Variants in FRYL observed in about 807,000 individuals in gnomAD.
FRYL encodes the protein FRY like transcription coactivator.
In FRYL, 150 loss-of-function variants were observed where a neutral mutation model predicts 351.2. The ratio of observed to expected loss-of-function variants is 0.43; its 90% CI spans 0.37 to 0.49. FRYL has a LOEUF of 0.49. Ranked by LOEUF, FRYL falls within the 20% of genes least tolerant of loss-of-function variation. The probability of loss-of-function intolerance (pLI) is 0.00; values close to 1 mark genes in which losing one functional copy is unlikely to be tolerated. For synonymous variants in FRYL, 1,153 were observed against 1,257.1 expected, an observed-to-expected ratio of 0.92 and a Z score of 1.75; for missense variants, 3,036 against 3,619.3, an observed-to-expected ratio of 0.84 and a Z score of 4.13.
intron 10 of FRYL, 70 bp downstream of exon 10, chr4:48,606,368 T>C: frequency 9.9e-7 from 1 of 1,007,460 alleles, no homozygotes; most frequent in East Asian, 2.5e-5. Flanking sequence ...ATTTTGTTTC[T>C]TTTAAAAAGT....
intron 3 of FRYL, among the ~76,000 whole-genome samples, chr4:48,684,350 T>C (rs530558068): frequency 6.6e-6 from 1 of 152,308 alleles, no homozygotes; most frequent in African/African-American, 2.4e-5. Context: ...CTTCATCTGC[T>C]TCCTAAGCCC....
In FRYL at chr4:48,498,441, T is replaced by G. The variant is rs1243990406; in HGVS notation, c.*981A>C. On this transcript the variant is annotated 3_prime_UTR_variant, in exon 64 of 64. Coordinates refer to ENST00000358350, the MANE Select transcript of FRYL (RefSeq NM_015030.2). ...ATAACTGGTTTTAGTCTCTACAGTTTCTATATGGAGTAAAATAAGTTAAAA... is the reference window on the plus strand; with the variant it reads ...ATAACTGGTTTTAGTCTCTACAGTTGCTATATGGAGTAAAATAAGTTAAAA... The G allele has an allele frequency of 6.6e-6, 1 of 152,574 alleles. No homozygotes were observed. The highest frequency in any genetic ancestry group is 1.5e-5 in the Non-Finnish European group (1 of 68,038). The allele number at this position is 152,574 out of a possible 1,614,324, so 9.5% of individuals were successfully genotyped here.
At chr4:48,654,721 A>G (rs1241324399) in intron 3 of FRYL, among the ~76,000 whole-genome samples, 1 of 152,230 alleles carries the variant, frequency 6.6e-6, no homozygotes, top group Non-Finnish European at 1.5e-5. Context: ...GAATAGCGAG[A>G]AATCCTCTGG....
chr4:48,778,231 T>G (rs969015883), intron 1 of FRYL, among the ~76,000 whole-genome samples: 2 of 152,186 alleles, frequency 1.3e-5, no homozygotes, highest in African/African-American at 4.8e-5. Flanking sequence ...AGTTTCTCTA[T>G]TGTTACTGCT....
At chr4:48,514,940 AAGT>A in intron 56 of FRYL, 85 bp downstream of exon 56, 5 of 1,111,342 alleles carry the variant, frequency 4.5e-6, no homozygotes, top group Non-Finnish European at 5.2e-6. Context: ...AAATGAAAGT[AAGT>A]AAACTGAAAC....
At chr4:48,747,928 T>C (rs1489491358) in intron 1 of FRYL, among the ~76,000 whole-genome samples, 1 of 152,188 alleles carries the variant, frequency 6.6e-6, no homozygotes, top group African/African-American at 2.4e-5. Flanking sequence ...GCGAGCCCTG[T>C]GTGAGGATGG....
At chr4:48,625,833 A>C (rs914721053) in intron 4 of FRYL, among the ~76,000 whole-genome samples, 3 of 152,188 alleles carry the variant, frequency 2.0e-5, no homozygotes, top group African/African-American at 7.2e-5. Flanking sequence ...TAAATTAGAG[A>C]ATAACAGATA....
intron 2 of FRYL, among the ~76,000 whole-genome samples, chr4:48,705,996 C>T (rs1767302142): frequency 6.6e-6 from 1 of 152,180 alleles, no homozygotes; most frequent in African/African-American, 2.4e-5. Context: ...GCCACCACTC[C>T]TGGCTAATTT....
intron 61 of FRYL, among the ~76,000 whole-genome samples, chr4:48,502,505 A>T (rs1346053250): frequency 6.6e-5 from 10 of 151,170 alleles, no homozygotes; most frequent in Admixed American, 6.6e-4. Flanking sequence ...AGATCATGCC[A>T]CTGCCCTCCA....
intron 3 of FRYL, among the ~76,000 whole-genome samples, chr4:48,643,816 C>T (rs1014702033): frequency 5.3e-5 from 8 of 152,024 alleles, no homozygotes; most frequent in Non-Finnish European, 1.2e-4. Flanking sequence ...AAAGGACAAG[C>T]GCTTCCTAAT....
intron 2 of FRYL, among the ~76,000 whole-genome samples, chr4:48,704,949 C>CAAA (rs780894705): frequency 5.9e-5 from 3 of 50,712 alleles, no homozygotes; most frequent in Admixed American, 2.2e-4. Context: ...GACTCCGTCT[C>CAAA]AAAAAAAAAA....
intron 3 of FRYL, among the ~76,000 whole-genome samples, chr4:48,638,742 T>C (rs893007413): frequency 2.2e-4 from 34 of 151,948 alleles, no homozygotes; most frequent in African/African-American, 6.3e-4. Context: ...GTAAAGAAAA[T>C]GTGGCACACA....
rs757733755 is a variant in FRYL, at chr4:48,543,970, C to G, written c.5429G>C (p.Ser1810Thr). ...SEGIHLEHHL[S>T]EVALQTALSC... is the part of the protein sequence containing the mutation. ...AAGTGCTGTTTGCAGAGCAACTTCA[C>G]TAAGATGATGTTCCAGATGAATTCC... Residue 1810 changes from serine to threonine, a missense_variant, in exon 44 of 64, where the codon AGT becomes ACT. Around this residue, in one of 7 missense-constraint regions of FRYL, gnomAD observed 1,987 missense variants for 2,311.7 expected, o/e 0.86. Coordinates refer to ENST00000358350, the MANE Select transcript of FRYL (RefSeq NM_015030.2). 8.1e-6 allele frequency: 13 copies of G among 1,613,546 alleles called. No individual in the cohort carries two copies. Among genetic ancestry groups the G allele is most frequent in the Admixed American group, 3.3e-5 (2 of 59,954 alleles).
chr4:48,653,826 AGCAG>A (rs1758213798), intron 3 of FRYL: 1 of 1,287,028 alleles, frequency 7.8e-7, no homozygotes, highest in Non-Finnish European at 1.0e-6. Flanking sequence ...CAGCAGCAGC[AGCAG>A]CAGAAGCAGA....
chr4:48,716,687 G>A (rs1372883329), intron 1 of FRYL, among the ~76,000 whole-genome samples: 1 of 151,562 alleles, frequency 6.6e-6, no homozygotes, highest in Non-Finnish European at 1.5e-5. Context: ...CTGTAAACTT[G>A]TTCAACCATT....
At chr4:48,528,717 A>T (rs1461223393) in intron 50 of FRYL, among the ~76,000 whole-genome samples, 1 of 152,132 alleles carries the variant, frequency 6.6e-6, no homozygotes, top group East Asian at 1.9e-4. Flanking sequence ...TACCACTCAG[A>T]CTTAATATTT....
In FRYL at chr4:48,542,097, T is replaced by G; in HGVS notation, c.5617A>C (p.Thr1873Pro). ...AQGFVIELLL[T>P]LESAIDTLAE... The stretch of plus-strand genomic sequence containing the variant: ...AAAGTATCAATTGCAGATTCCAATG[T>G]GAGAAGAAGCTCAATCACAAATCCC... Residue 1873 changes from threonine to proline, a missense_variant, in exon 45 of 64, where the codon ACA becomes CCA. Physicochemically the swap from Thr to Pro is conservative, Grantham distance 38 (BLOSUM62 -1). This residue lies in a region of FRYL where 1,987 missense variants were observed against 2,311.7 expected (regional missense o/e 0.86). Coordinates refer to ENST00000358350, the MANE Select transcript of FRYL (RefSeq NM_015030.2). The G allele has an allele frequency of 6.2e-7, 1 of 1,613,626 alleles. No individual in the cohort carries two copies. The highest frequency in any genetic ancestry group is 8.5e-7 in the Non-Finnish European group (1 of 1,179,580).
intron 1 of FRYL, among the ~76,000 whole-genome samples, chr4:48,763,809 GT>G (rs1774660041): frequency 6.6e-6 from 1 of 152,138 alleles, no homozygotes; most frequent in African/African-American, 2.4e-5. Flanking sequence ...AAAACTGTAT[GT>G]TTTTAACGTA....
chr4:48,589,130 T>A (rs1455812780), intron 18 of FRYL, among the ~76,000 whole-genome samples: 3 of 152,100 alleles, frequency 2.0e-5, no homozygotes, highest in African/African-American at 7.2e-5. Flanking sequence ...CAGAAGAATC[T>A]CCTCCCTTAC....
Sources: allele counts gnomAD v4.1 joint callset (sites outside exome capture counted in the v4.1 genomes callset), GRCh38; gene constraint gnomAD v4.1.1; regional missense constraint gnomAD v4.1.1; transcripts MANE v1.5; gene names NCBI Gene and HGNC (gene_info 2026-07-23, HGNC 2026-07-21).